The following GALNT13 variants were observed in gnomAD, a reference collection of about 807,000 sequenced individuals.
GALNT13 encodes the protein polypeptide N-acetylgalactosaminyltransferase 13.
In GALNT13, 28 loss-of-function variants were observed where a neutral mutation model predicts 64.2. The ratio of observed to expected loss-of-function variants is 0.44; its 90% CI spans 0.32 to 0.60. GALNT13 has a LOEUF of 0.60. GALNT13 is among the 20% of genes least tolerant of loss of function. The pLI is 0.05. For missense variants in GALNT13, 577 were observed against 669.8 expected, an observed-to-expected ratio of 0.86 and a Z score of 1.53; for synonymous variants, 214 against 224.6, an observed-to-expected ratio of 0.95 and a Z score of 0.42.
chr2:153,996,717 T>C (rs1216499653), intron 3 of GALNT13, among the ~76,000 whole-genome samples: 1 of 152,184 alleles, frequency 6.6e-6, no homozygotes, highest in African/African-American at 2.4e-5. Context: ...GCCTGTGCTT[T>C]TCAGGATCTA....
the GALNT13 span, among the ~76,000 whole-genome samples, chr2:153,233,503 T>C: frequency 6.6e-6 from 1 of 152,124 alleles, no homozygotes; most frequent in Non-Finnish European, 1.5e-5. Context: ...AAAAACTGCT[T>C]GTAGTTCAAT....
At chr2:153,123,616 A>T in the GALNT13 span, among the ~76,000 whole-genome samples, 3 of 152,232 alleles carry the variant, frequency 2.0e-5, no homozygotes. Context: ...ATGGCAAAAA[A>T]GCAGATCTAT....
intron 2 of GALNT13, among the ~76,000 whole-genome samples, chr2:153,929,497 C>T (rs910853055): frequency 4.6e-5 from 7 of 152,144 alleles, no homozygotes; most frequent in Admixed American, 6.6e-5. Flanking sequence ...TTAACTTCCT[C>T]ATACCCTCCA....
At chr2:154,270,535 T>C (rs986529432) in intron 8 of GALNT13, among the ~76,000 whole-genome samples, 5 of 151,710 alleles carry the variant, frequency 3.3e-5, no homozygotes, top group Non-Finnish European at 5.9e-5. Flanking sequence ...AAATTCACAA[T>C]TGAAATGATT....
the GALNT13 span, among the ~76,000 whole-genome samples, chr2:153,469,458 GCAGA>G: frequency 3.3e-5 from 5 of 152,064 alleles, no homozygotes; most frequent in Admixed American, 6.6e-5. Context: ...TACTTGCAAA[GCAGA>G]CAGTCACAGT....
the GALNT13 span, among the ~76,000 whole-genome samples, chr2:153,768,856 A>G: frequency 7.6e-4 from 116 of 152,148 alleles, 1 homozygote; most frequent in Middle Eastern, 6.8e-3. Context: ...ACAGAGCAAG[A>G]CTCCATCTAA....
At chr2:154,003,930 G>A (rs1358013374) in intron 3 of GALNT13, among the ~76,000 whole-genome samples, 1 of 151,916 alleles carries the variant, frequency 6.6e-6, no homozygotes, top group African/African-American at 2.4e-5. Flanking sequence ...TATACTTCCT[G>A]TACAGCCTGT....
the GALNT13 span, among the ~76,000 whole-genome samples, chr2:153,615,847 A>G: frequency 2.6e-5 from 4 of 152,044 alleles, no homozygotes; most frequent in Non-Finnish European, 5.9e-5. Flanking sequence ...ATCCCTTGTC[A>G]GGTGACCAGT....
the GALNT13 span, among the ~76,000 whole-genome samples, chr2:153,260,516 C>T: frequency 6.6e-6 from 1 of 152,120 alleles, no homozygotes; most frequent in Non-Finnish European, 1.5e-5. Context: ...TTAAATATGT[C>T]ATGTCATGCT....
the GALNT13 span, among the ~76,000 whole-genome samples, chr2:153,604,624 AT>A: frequency 6.6e-6 from 1 of 152,058 alleles, no homozygotes; most frequent in Non-Finnish European, 1.5e-5. Flanking sequence ...TCAAAGTGCT[AT>A]TTTAATTAAG....
chr2:153,589,160 T>A, the GALNT13 span, among the ~76,000 whole-genome samples: 135 of 151,864 alleles, frequency 8.9e-4, no homozygotes, highest in African/African-American at 3.2e-3. Context: ...AGAAAAGAAA[T>A]TTCTTCTGCT....
the GALNT13 span, among the ~76,000 whole-genome samples, chr2:153,218,196 C>A: frequency 6.6e-6 from 1 of 152,160 alleles, no homozygotes; most frequent in Non-Finnish European, 1.5e-5. Flanking sequence ...TGTCTCTCTT[C>A]TATTCCTCTT....
chr2:153,478,905 C>T, the GALNT13 span: 1 of 306,080 alleles, frequency 3.3e-6, no homozygotes, highest in Non-Finnish European at 6.0e-6. Flanking sequence ...CTGCGCTGAG[C>T]AAACAGCGGC....
chr2:154,122,646 G>GTAGTTTTGTGTGTTTTGA lies in GALNT13; in HGVS notation c.143-17666_143-17649dup, dbSNP rs539128422. 1.1e-3 allele frequency among the ~76,000 whole-genome samples: 165 copies of GTAGTTTTGTGTGTTTTGA among 151,930 alleles called. 1 individual carries two copies. In the East Asian group the frequency reaches 0.022, roughly 20 times the overall value. ...TATGTATTTATCCTTGTGTATTTTG[G>GTAGTTTTGTGTGTTTTGA]TAGTTTTGTGTGTTTTGATAGTTTT... On this transcript the variant is annotated intron_variant, in intron 3 of 12. Transcript: ENST00000392825.
chr2:153,406,260 A>T, the GALNT13 span, among the ~76,000 whole-genome samples: 3 of 152,236 alleles, frequency 2.0e-5, no homozygotes, highest in East Asian at 5.8e-4. Flanking sequence ...TACTTATTTC[A>T]TTGATATTTC....
At chr2:154,226,988 G>A (rs1334271952) in intron 4 of GALNT13, among the ~76,000 whole-genome samples, 2 of 152,026 alleles carry the variant, frequency 1.3e-5, no homozygotes, top group African/African-American at 2.4e-5. Context: ...GCAGAGAGAC[G>A]CTCCTCATTG....
chr2:153,325,953 C>T, the GALNT13 span, among the ~76,000 whole-genome samples: 24 of 152,018 alleles, frequency 1.6e-4, no homozygotes, highest in Admixed American at 3.9e-4. Context: ...TTATGTGGTG[C>T]GGAGAAGAAT....
chr2:154,450,486 A>G lies in GALNT13; in HGVS notation c.1606A>G (p.Met536Val), dbSNP rs1418930486. Residue 536 changes from methionine (M) to valine (V), a missense_variant, in exon 13 of 13, where the codon ATG becomes GTG. Coordinates refer to ENST00000392825, the MANE Select transcript of GALNT13 (RefSeq NM_052917.4). The part of the protein sequence containing the change: ...PSEEDKMVPT[M>V]QDCSGSRSQQ... ...TGAAGAAGACAAAATGGTGCCTACA[A>G]TGCAGGACTGTAGTGGAAGCAGATC... The G allele has an allele frequency of 6.2e-6, 10 of 1,612,654 alleles. No individual in the cohort carries two copies. The highest frequency in any genetic ancestry group is 8.5e-6 in the Non-Finnish European group (10 of 1,179,012).
the GALNT13 span, among the ~76,000 whole-genome samples, chr2:153,425,567 TCTC>T: frequency 6.6e-6 from 1 of 151,824 alleles, no homozygotes; most frequent in Non-Finnish European, 1.5e-5. Context: ...GAAATCTTGT[TCTC>T]CTATTTCCTT....
Sources: gnomAD v4.1 joint callset for allele counts (sites outside exome capture counted in the v4.1 genomes callset) on GRCh38, gnomAD v4.1.1 for gene constraint, MANE v1.5 for transcripts, NCBI Gene and HGNC (gene_info 2026-07-23, HGNC 2026-07-21) for gene names.